TDRD3: variants seen among roughly 807,000 people sequenced by gnomAD.
TDRD3 encodes tudor domain-containing protein 3.
Under a neutral mutation model 86.7 loss-of-function variants are expected in TDRD3, and 45 were observed. That is an observed-to-expected ratio of 0.52 (90% CI 0.41 to 0.67). The LOEUF (loss-of-function observed/expected upper bound fraction) is 0.67, where lower values mean the gene tolerates loss of function less well. Among genes scored for constraint, TDRD3 ranks in the 30% least tolerant of loss-of-function variants. The pLI, the probability that TDRD3 is intolerant of heterozygous loss-of-function variation, is 0.00. For synonymous variants in TDRD3, 298 were observed against 301.7 expected (o/e 0.99, Z 0.13); for missense variants, 814 against 889.0 (o/e 0.92, Z 1.07).
chr13:60,534,970 T>A, intron 11 of TDRD3, 138 bp from the exon 12 acceptor site: 32 of 616,532 alleles, frequency 5.2e-5, no homozygotes, highest in Non-Finnish European at 7.7e-5. Context: ...CTAATGTGAC[T>A]CAAAAGGGTT....
At chr13:60,489,637 T>TA (rs1956536151) in intron 7 of TDRD3, among the ~76,000 whole-genome samples, 1 of 152,206 alleles carries the variant, frequency 6.6e-6, no homozygotes, top group Non-Finnish European at 1.5e-5. Flanking sequence ...GAGCTAATAC[T>TA]ACTGCTACTT....
chr13:60,506,211 G>A (rs535160345), intron 8 of TDRD3, among the ~76,000 whole-genome samples: 118 of 152,236 alleles, frequency 7.8e-4, no homozygotes, highest in Non-Finnish European at 1.4e-3. Flanking sequence ...AGCCAGAAGA[G>A]TGGTGGCCAC....
chr13:60,533,809 C>G (rs1183825730), intron 11 of TDRD3, among the ~76,000 whole-genome samples: 1 of 152,152 alleles, frequency 6.6e-6, no homozygotes, highest in East Asian at 1.9e-4. Flanking sequence ...ATGATCTGTA[C>G]TGAAAGATTG....
intron 10 of TDRD3, among the ~76,000 whole-genome samples, chr13:60,512,021 T>A (rs1358976149): frequency 6.6e-6 from 1 of 152,148 alleles, no homozygotes; most frequent in African/African-American, 2.4e-5. Context: ...TTTTGACTCC[T>A]GTATTAGTTT....
At chr13:60,431,223 A>G (rs1436806007) in intron 1 of TDRD3, among the ~76,000 whole-genome samples, 5 of 152,054 alleles carry the variant, frequency 3.3e-5, no homozygotes, top group Non-Finnish European at 4.4e-5. Context: ...GAAACCTTTA[A>G]GCTAGTTTAG....
intron 8 of TDRD3, among the ~76,000 whole-genome samples, chr13:60,496,957 T>C (rs748957370): frequency 6.6e-4 from 101 of 152,314 alleles, no homozygotes; most frequent in South Asian, 2.1e-4. Context: ...GTTATAGCTC[T>C]GTTAGAAGCG....
At chr13:60,504,136 T>C (rs1208004001) in intron 8 of TDRD3, among the ~76,000 whole-genome samples, 1 of 152,262 alleles carries the variant, frequency 6.6e-6, no homozygotes, top group Non-Finnish European at 1.5e-5. Flanking sequence ...TAATTACCTC[T>C]AGGTTTATCT....
At chr13:60,507,209 G>C (rs1364431368) in intron 8 of TDRD3, among the ~76,000 whole-genome samples, 1 of 152,088 alleles carries the variant, frequency 6.6e-6, no homozygotes, top group Non-Finnish European at 1.5e-5. Context: ...CAAGTTCTTA[G>C]AGACCTACAA....
chr13:60,521,233 T>C (rs74673984), intron 10 of TDRD3, among the ~76,000 whole-genome samples: 1,687 of 152,324 alleles, frequency 0.011, 39 homozygotes, highest in African/African-American at 0.039. Context: ...TCTTGCACCC[T>C]TAGCTAAGCC....
At chr13:60,545,983 C>T (rs533613545) in intron 12 of TDRD3, among the ~76,000 whole-genome samples, 3 of 151,866 alleles carry the variant, frequency 2.0e-5, no homozygotes, top group Non-Finnish European at 4.4e-5. Context: ...TCATCTTATG[C>T]GTGTCATGTG....
rs191784572 is a variant in TDRD3, at chr13:60,479,638, A to G, written c.496-4137A>G. On this transcript the variant is annotated intron_variant, in intron 5 of 13. Transcript: ENST00000377881. Reference sequence around the variant, plus strand: ...TTATTGTGTTTGTCTAAGTCTTTTCATAGGTAAAGAAGAACTTATTTTATA... The same window carrying G: ...TTATTGTGTTTGTCTAAGTCTTTTCGTAGGTAAAGAAGAACTTATTTTATA... 3.9e-5 allele frequency among the ~76,000 whole-genome samples: 6 copies of G among 152,288 alleles called. No homozygotes were observed. In the East Asian group the frequency reaches 9.6e-4, roughly 24 times the overall value.
intron 1 of TDRD3, among the ~76,000 whole-genome samples, chr13:60,418,891 G>T: frequency 6.6e-6 from 1 of 152,106 alleles, no homozygotes; most frequent in East Asian, 1.9e-4. Flanking sequence ...GTCTGTATTG[G>T]TAGTTCATTT....
At chr13:60,446,588 A>T (rs963979978) in intron 3 of TDRD3, among the ~76,000 whole-genome samples, 1 of 152,172 alleles carries the variant, frequency 6.6e-6, no homozygotes, top group Non-Finnish European at 1.5e-5. Flanking sequence ...AGAATTAATA[A>T]TTGTCTTCAC....
intron 8 of TDRD3, among the ~76,000 whole-genome samples, chr13:60,500,873 G>A (rs1956815430): frequency 6.6e-6 from 1 of 152,140 alleles, no homozygotes; most frequent in African/African-American, 2.4e-5. Context: ...AAGTGGATAG[G>A]ATGACCCATT....
At position 60,509,864 on chromosome 13, in the gene TDRD3, G is replaced by T; in HGVS notation, c.960G>T (p.Leu320=). ...ATGGCAACAACTTAGAAGCAGCACT[G>T]AACGTACTTCTTACAAGCAATAAAC... ...MDNGNNLEAA[L]NVLLTSNKQK... The change falls in exon 9 of 14, where the codon CTG becomes CTT. Residue 320 remains leucine (L), a synonymous_variant. Coordinates refer to ENST00000377881, the MANE Select transcript of TDRD3 (RefSeq NM_001146070.2). 6.2e-7 allele frequency: 1 copy of T among 1,613,848 alleles called. No individual in the cohort carries two copies. Among genetic ancestry groups the T allele is most frequent in the South Asian group, 1.1e-5 (1 of 91,070 alleles).
chr13:60,565,307 G>A (rs938566901), intron 12 of TDRD3, among the ~76,000 whole-genome samples: 1 of 150,968 alleles, frequency 6.6e-6, no homozygotes, highest in African/African-American at 2.4e-5. Flanking sequence ...CGCCCGCCTC[G>A]GCCTCCCAAA....
chr13:60,399,617 A>G (rs1327721214), intron 1 of TDRD3, among the ~76,000 whole-genome samples: 1 of 152,064 alleles, frequency 6.6e-6, no homozygotes, highest in Admixed American at 6.6e-5. Flanking sequence ...GCTTTCACCA[A>G]CTCATTTTAG....
chr13:60,396,266 T>C (rs953140082), upstream of TDRD3, among the ~76,000 whole-genome samples: 2 of 152,178 alleles, frequency 1.3e-5, no homozygotes, highest in Admixed American at 6.5e-5. Flanking sequence ...GAAGCCTTTT[T>C]CCCCGCAATA....
chr13:60,418,104 G>A (rs928870973), intron 1 of TDRD3, among the ~76,000 whole-genome samples: 30 of 152,176 alleles, frequency 2.0e-4, no homozygotes, highest in Admixed American at 1.8e-3. Flanking sequence ...GTCTTACAAA[G>A]GTATGCATAG....
Sources: allele counts gnomAD v4.1 joint callset (sites outside exome capture counted in the v4.1 genomes callset), GRCh38; gene constraint gnomAD v4.1.1; transcripts MANE v1.5; gene names NCBI Gene and HGNC (gene_info 2026-07-23, HGNC 2026-07-21).